The following GPHN variants were observed in gnomAD, a reference collection of about 807,000 sequenced individuals.
GPHN encodes the protein gephyrin.
Under a neutral mutation model 95.5 loss-of-function variants are expected in GPHN, and 17 were observed. That is an observed-to-expected ratio of 0.18 (90% CI 0.12 to 0.27). The LOEUF (loss-of-function observed/expected upper bound fraction) is 0.27. Among genes scored for constraint, GPHN ranks in the 10% least tolerant of loss-of-function variants. GPHN has a pLI of 1.00. For synonymous variants in GPHN, 320 were observed against 322.5 expected (o/e 0.99, Z 0.08); for missense variants, 660 against 978.1 (o/e 0.67, Z 4.34).
At chr14:67,313,375 C>T in the GPHN span, among the ~76,000 whole-genome samples, 2 of 152,108 alleles carry the variant, frequency 1.3e-5, no homozygotes. Flanking sequence ...TTTACACAAA[C>T]CTAGATGATA....
the GPHN span, chr14:67,650,053 G>A: frequency 4.5e-4 from 69 of 152,410 alleles, no homozygotes; most frequent in Middle Eastern, 3.4e-3. Context: ...CTGAAGTCCA[G>A]ATAAAATAAT....
intron 5 of GPHN, among the ~76,000 whole-genome samples, chr14:66,901,394 A>G (rs1396855768): frequency 6.6e-6 from 1 of 151,910 alleles, no homozygotes; most frequent in Non-Finnish European, 1.5e-5. Context: ...GTATAACCCC[A>G]TTTGTCTATT....
chr14:67,406,396 C>A, the GPHN span, among the ~76,000 whole-genome samples: 1 of 152,016 alleles, frequency 6.6e-6, no homozygotes, highest in East Asian at 1.9e-4. Flanking sequence ...AGGAGTGATA[C>A]TGGGGCTCAG....
intron 1 of GPHN, among the ~76,000 whole-genome samples, chr14:66,543,187 C>A (rs1320681044): frequency 2.0e-5 from 3 of 152,092 alleles, no homozygotes; most frequent in Non-Finnish European, 4.4e-5. Context: ...AGGCCCCACC[C>A]CCAGCATTGG....
At chr14:67,166,625 T>C (rs560497833) in intron 20 of GPHN, among the ~76,000 whole-genome samples, 36 of 146,802 alleles carry the variant, frequency 2.5e-4, no homozygotes, top group Admixed American at 1.5e-3. Context: ...CTTGTTTTTG[T>C]TGTTATTGGT....
At chr14:67,046,030 G>T (rs1394576634) in intron 10 of GPHN, among the ~76,000 whole-genome samples, 2 of 151,978 alleles carry the variant, frequency 1.3e-5, no homozygotes, top group African/African-American at 2.4e-5. Context: ...TAAAATCTGG[G>T]TTTGCTTCTC....
the GPHN span, chr14:67,302,302 A>G: frequency 1.1e-5 from 12 of 1,089,146 alleles, no homozygotes; most frequent in Admixed American, 7.3e-5. Context: ...TTTTCTTAAG[A>G]TAACTGAAGG....
the GPHN span, chr14:67,691,315 G>T: frequency 2.0e-6 from 2 of 999,326 alleles, no homozygotes; most frequent in South Asian, 1.3e-5. Context: ...GCTGCCTCAC[G>T]CTCAGGCTTT....
At chr14:67,074,834 T>G (rs2076434718) in intron 11 of GPHN, among the ~76,000 whole-genome samples, 2 of 152,122 alleles carry the variant, frequency 1.3e-5, no homozygotes, top group African/African-American at 4.8e-5. Flanking sequence ...GAAAAAGGTA[T>G]AGAAGAAAAG....
chr14:66,773,354 T>G (rs900778073), intron 2 of GPHN, among the ~76,000 whole-genome samples: 2 of 93,332 alleles, frequency 2.1e-5, no homozygotes, highest in Non-Finnish European at 3.3e-5. Context: ...GGGGAAATCT[T>G]TTTTTTTTTT....
chr14:67,473,083 T>G, the GPHN span: 1 of 287,966 alleles, frequency 3.5e-6, no homozygotes, highest in East Asian at 7.7e-5. This position sits in a 1 kb window ranked among gnomAD's most constrained non-coding sequence, Gnocchi z 6.5. Context: ...CCCATTCTCA[T>G]TGTCCCTTGG....
At chr14:67,311,289 C>A in the GPHN span, among the ~76,000 whole-genome samples, 1 of 124,352 alleles carries the variant, frequency 8.0e-6, no homozygotes, top group Non-Finnish European at 1.6e-5. Context: ...CCAGCCTGGG[C>A]AACAGAGCGA....
the GPHN span, among the ~76,000 whole-genome samples, chr14:67,411,577 T>C: frequency 6.6e-6 from 1 of 152,146 alleles, no homozygotes; most frequent in Non-Finnish European, 1.5e-5. Flanking sequence ...GCAGGGCTGC[T>C]GGGAGGATGA....
intron 1 of GPHN, among the ~76,000 whole-genome samples, chr14:66,551,448 A>C (rs2059809050): frequency 6.6e-6 from 1 of 152,028 alleles, no homozygotes; most frequent in East Asian, 1.9e-4. Flanking sequence ...TTTACTCTAG[A>C]TGTCATTTTG....
intron 5 of GPHN, among the ~76,000 whole-genome samples, chr14:66,887,832 A>T (rs2064277910): frequency 6.6e-6 from 1 of 152,242 alleles, no homozygotes; most frequent in Admixed American, 6.5e-5. Context: ...TGTGATTAAC[A>T]TGCTAAGTGC....
intron 2 of GPHN, among the ~76,000 whole-genome samples, chr14:66,768,214 G>C (rs541142122): frequency 1.3e-5 from 2 of 152,014 alleles, no homozygotes; most frequent in African/African-American, 2.4e-5. Context: ...ATGGCCATCT[G>C]TTTGGTATAT....
chr14:67,559,593 C>T, the GPHN span: 15 of 1,561,732 alleles, frequency 9.6e-6, no homozygotes, highest in East Asian at 2.3e-5. Context: ...ACGGAAGGCC[C>T]TCTCTTTCTT....
intron 1 of GPHN, among the ~76,000 whole-genome samples, chr14:66,589,118 A>G (rs918575026): frequency 1.3e-5 from 2 of 152,198 alleles, no homozygotes; most frequent in African/African-American, 4.8e-5. Flanking sequence ...CCAGAATTGC[A>G]TATCCAGCCA....
chr14:67,715,761 T>C, the GPHN span, among the ~76,000 whole-genome samples: 1 of 152,186 alleles, frequency 6.6e-6, no homozygotes, highest in South Asian at 2.1e-4. Flanking sequence ...TCTTAGAATC[T>C]CATAACCAGG....
Sources: allele counts gnomAD v4.1 joint callset (sites outside exome capture counted in the v4.1 genomes callset), GRCh38; gene constraint gnomAD v4.1.1; non-coding constraint Gnocchi (gnomAD v3.1); transcripts MANE v1.5; gene names NCBI Gene and HGNC (gene_info 2026-07-23, HGNC 2026-07-21).